Variants in TEAD1 observed in about 807,000 individuals in gnomAD.
TEAD1 encodes the protein transcriptional enhancer factor TEF-1.
A neutral mutation model predicts 54.9 loss-of-function variants in TEAD1; 9 were observed. The ratio of observed to expected loss-of-function variants is 0.16; its 90% CI spans 0.10 to 0.29. The LOEUF is 0.29. Among genes scored for constraint, TEAD1 ranks in the 10% least tolerant of loss-of-function variants. The pLI is 1.00. For missense variants in TEAD1, 387 were observed against 535.9 expected (o/e 0.72, Z 2.74); for synonymous variants, 200 against 187.8 (o/e 1.07, Z -0.53).
chr11:12,852,105 A>C (rs1013107615), intron 3 of TEAD1, among the ~76,000 whole-genome samples: 1 of 152,192 alleles, frequency 6.6e-6, no homozygotes, highest in African/African-American at 2.4e-5. Context: ...AAGAACATGT[A>C]AGGATAGGTG....
chr11:12,675,279 G>C (rs902651610), intron 1 of TEAD1, 130 bp from the exon 2 acceptor site: 1 of 152,042 alleles, frequency 6.6e-6, no homozygotes, highest in African/African-American at 2.4e-5. Flanking sequence ...CCCTGCTTTC[G>C]CCGCCGCCCC....
chr11:12,878,381 T>C (rs1159955531), intron 5 of TEAD1, among the ~76,000 whole-genome samples: 2 of 152,202 alleles, frequency 1.3e-5, no homozygotes, highest in African/African-American at 4.8e-5. Flanking sequence ...GTACTTGGTG[T>C]CTTAGCCTGA....
At chr11:12,916,649 AG>A (rs1948718662) in intron 10 of TEAD1, among the ~76,000 whole-genome samples, 1 of 152,236 alleles carries the variant, frequency 6.6e-6, no homozygotes, top group African/African-American at 2.4e-5. Context: ...AGACCCAAAA[AG>A]TGATTCCAAA....
At chr11:12,837,928 A>G (rs942061376) in intron 3 of TEAD1, among the ~76,000 whole-genome samples, 7 of 150,728 alleles carry the variant, frequency 4.6e-5, no homozygotes, top group Admixed American at 4.6e-4. Flanking sequence ...TCAGCCTCCC[A>G]AGCAGCTGGT....
chr11:12,729,252 C>A (rs1011369245), intron 2 of TEAD1, among the ~76,000 whole-genome samples: 3 of 152,238 alleles, frequency 2.0e-5, no homozygotes, highest in African/African-American at 7.2e-5. Context: ...ATTCCCCAGG[C>A]CTCTCTCTTG....
chr11:12,935,373 T>A (rs145204119), intron 12 of TEAD1, among the ~76,000 whole-genome samples: 1 of 152,360 alleles, frequency 6.6e-6, no homozygotes, highest in East Asian at 1.9e-4. Context: ...CATTTGATAC[T>A]GAGTAGATGG....
chr11:12,701,085 A>G (rs913895768), intron 2 of TEAD1, among the ~76,000 whole-genome samples: 1 of 152,200 alleles, frequency 6.6e-6, no homozygotes, highest in Non-Finnish European at 1.5e-5. Context: ...CTTCATGTGT[A>G]CAGTGTACAA....
intron 2 of TEAD1, among the ~76,000 whole-genome samples, chr11:12,697,329 A>G (rs960262658): frequency 1.3e-5 from 2 of 152,218 alleles, no homozygotes; most frequent in African/African-American, 2.4e-5. Flanking sequence ...TTATATAGCA[A>G]ATGCCTTTCT....
chr11:12,680,138 G>C (rs1207645447), intron 2 of TEAD1, among the ~76,000 whole-genome samples: 2 of 152,138 alleles, frequency 1.3e-5, no homozygotes, highest in Non-Finnish European at 2.9e-5. Context: ...TGCTTTATCT[G>C]TTCCTTCTTT....
chr11:12,740,572 C>T (rs927523221), intron 2 of TEAD1, among the ~76,000 whole-genome samples: 63 of 152,244 alleles, frequency 4.1e-4, no homozygotes, highest in African/African-American at 1.3e-3. Flanking sequence ...CCTCAGGAAA[C>T]TTATAATCAT....
At chr11:12,791,037 G>C (rs1234027452) in intron 3 of TEAD1, among the ~76,000 whole-genome samples, 3 of 152,318 alleles carry the variant, frequency 2.0e-5, no homozygotes, top group African/African-American at 4.8e-5. Context: ...GCAAAGACTT[G>C]TATGCACATA....
At chr11:12,718,410 T>G (rs1384983160) in intron 2 of TEAD1, among the ~76,000 whole-genome samples, 1 of 152,156 alleles carries the variant, frequency 6.6e-6, no homozygotes, top group African/African-American at 2.4e-5. Flanking sequence ...CAAACTGAAG[T>G]TCCCCTGCAG....
At chr11:12,779,673 A>G (rs912376878) in intron 3 of TEAD1, among the ~76,000 whole-genome samples, 3 of 152,252 alleles carry the variant, frequency 2.0e-5, no homozygotes, top group Non-Finnish European at 4.4e-5. Context: ...ATATAGATAT[A>G]AAACTCCTCC....
chr11:12,816,757 A>C (rs1034797572), intron 3 of TEAD1, among the ~76,000 whole-genome samples: 1 of 152,206 alleles, frequency 6.6e-6, no homozygotes, highest in East Asian at 1.9e-4. Flanking sequence ...TGCTAGGGAC[A>C]GGGATCTCAA....
intron 9 of TEAD1, among the ~76,000 whole-genome samples, chr11:12,895,204 C>CCCA (rs934923497): frequency 6.6e-6 from 1 of 152,068 alleles, no homozygotes; most frequent in African/African-American, 2.4e-5. Flanking sequence ...TATTAACCCC[C>CCCA]CCCGGGTATC....
At chr11:12,704,032 T>TA (rs1943761880) in intron 2 of TEAD1, among the ~76,000 whole-genome samples, 1 of 152,212 alleles carries the variant, frequency 6.6e-6, no homozygotes, top group Non-Finnish European at 1.5e-5. Flanking sequence ...TGGAAAAAGT[T>TA]ATGTTAGAAG....
intron 3 of TEAD1, among the ~76,000 whole-genome samples, chr11:12,785,954 C>G (rs1454039631): frequency 6.6e-6 from 1 of 152,124 alleles, no homozygotes; most frequent in African/African-American, 2.4e-5. Flanking sequence ...TGGTAACATA[C>G]AAATCACGAG....
rs1947044528 is a variant in TEAD1, at chr11:12,841,692, TG to T, written c.203-20556del. On this transcript the variant is annotated intron_variant, in intron 3 of 12. Transcript: ENST00000527636. ...TCAGTGTTTAGAGGGAAATGGGAGA[TG>T]GAGAATCGAAGCACACTAGTGCTTT... is the stretch of plus-strand genomic sequence containing the variant. Among the ~76,000 whole-genome samples, 10 of 152,276 alleles carry T rather than the reference TG, an allele frequency of 6.6e-5. No homozygotes were observed. In the South Asian group the frequency reaches 2.1e-3, roughly 32 times the overall value.
chr11:12,870,588 A>G (rs879543583), intron 5 of TEAD1, among the ~76,000 whole-genome samples: 14 of 152,110 alleles, frequency 9.2e-5, no homozygotes, highest in African/African-American at 2.7e-4. Flanking sequence ...GGGCATTTTC[A>G]AAATATCTAG....
Sources: allele counts gnomAD v4.1 joint callset (sites outside exome capture counted in the v4.1 genomes callset), GRCh38; gene constraint gnomAD v4.1.1; transcripts MANE v1.5; gene names NCBI Gene and HGNC (gene_info 2026-07-23, HGNC 2026-07-21).